The following WASHC4 variants were observed in gnomAD, a reference collection of about 807,000 sequenced individuals.
WASHC4 encodes the protein WASH complex subunit 4, also known as WASH complex subunit 7.
In WASHC4, 86 loss-of-function variants were observed where a neutral mutation model predicts 166.6. That is an observed-to-expected ratio of 0.52 (90% CI 0.43 to 0.62). WASHC4 has a LOEUF of 0.62. Ranked by LOEUF, WASHC4 falls within the 20% of genes least tolerant of loss-of-function variation. The probability of loss-of-function intolerance (pLI) is 0.00; values close to 1 mark genes in which losing one functional copy is unlikely to be tolerated. For synonymous variants in WASHC4, 446 were observed against 451.6 expected, an observed-to-expected ratio of 0.99 and a Z score of 0.16; for missense variants, 1,262 against 1,382.4, an observed-to-expected ratio of 0.91 and a Z score of 1.38.
At chr12:105,130,245 C>T (rs978858969) in intron 13 of WASHC4, among the ~76,000 whole-genome samples, 1 of 152,202 alleles carries the variant, frequency 6.6e-6, no homozygotes, top group African/African-American at 2.4e-5. Flanking sequence ...AAGTACATGT[C>T]AGAGAGGGCA....
intron 20 of WASHC4, 69 bp downstream of exon 20, chr12:105,143,312 C>T (rs577997343): frequency 4.5e-6 from 4 of 890,302 alleles, no homozygotes; most frequent in Admixed American, 1.8e-5. Context: ...AAAAAATGTT[C>T]GATTGAAGCA....
In WASHC4 at chr12:105,144,386, A is replaced by G. The variant is rs780130186; in HGVS notation, c.2110A>G (p.Met704Val). ...TGACCGAAACCCTTTCAAAGTTGGC[A>G]TGAAAGACCTGGCTCTTTTTTTCTC... Reference protein sequence around the residue: ...LDDRNPFKVGMKDLALFFSLN... With the variant: ...LDDRNPFKVGVKDLALFFSLN... The change falls in exon 21 of 33, where the codon ATG (methionine) becomes GTG (valine). Residue 704 changes from methionine (M) to valine (V), a missense_variant. By Grantham distance (21) the Met-to-Val change is conservative (BLOSUM62 1). Transcript: ENST00000332180. The G allele has an allele frequency of 1.2e-6, 2 of 1,613,408 alleles. No individual in the cohort carries two copies. Among genetic ancestry groups the G allele is most frequent in the African/African-American group, 1.3e-5 (1 of 74,910 alleles).
intron 28 of WASHC4, among the ~76,000 whole-genome samples, chr12:105,158,640 A>G (rs957183939): frequency 2.0e-5 from 3 of 152,222 alleles, no homozygotes; most frequent in African/African-American, 7.2e-5. Context: ...GGAAAGAAAC[A>G]GCTGTAAAGG....
chr12:105,161,396 G>A (rs1163865303), intron 29 of WASHC4, among the ~76,000 whole-genome samples: 2 of 152,162 alleles, frequency 1.3e-5, no homozygotes, highest in Non-Finnish European at 1.5e-5. Flanking sequence ...TCAAACTGGA[G>A]GGAGAGTGTC....
At chr12:105,147,470 C>T in intron 24 of WASHC4, 1 of 373,762 alleles carries the variant, frequency 2.7e-6, no homozygotes. Flanking sequence ...GATCTGTGAT[C>T]CCTGAAAGTT....
rs572767247 is a variant in WASHC4, at chr12:105,132,100, G to A, written c.1200-1670G>A. 2.6e-5 allele frequency among the ~76,000 whole-genome samples: 4 copies of A among 152,346 alleles called. No homozygotes were observed. In the East Asian group the frequency reaches 5.8e-4, roughly 22 times the overall value. ...TTCTTTACCCTGTGTAACTAAAGAA[G>A]ATTTTAAAAGAGTTGGTAGGGTCCG... On this transcript the variant is annotated intron_variant, in intron 13 of 32. Transcript: ENST00000332180.
intron 24 of WASHC4, chr12:105,147,568 A>T: frequency 2.0e-6 from 2 of 1,013,238 alleles, no homozygotes; most frequent in Non-Finnish European, 2.4e-6. Flanking sequence ...TTTGATGTCC[A>T]TATAAATAGG....
intron 15 of WASHC4, among the ~76,000 whole-genome samples, chr12:105,139,425 G>GTGTATATATATATATATATATATATA: frequency 1.9e-5 from 2 of 103,188 alleles, no homozygotes; most frequent in Non-Finnish European, 3.9e-5. Flanking sequence ...ATGTGTGTGT[G>GTGTATATATATATATATATATATATA]TATATATATA....
chr12:105,144,492 C>CTTTTTTTTT, intron 21 of WASHC4, 37 bp downstream of exon 21: 1 of 1,338,738 alleles, frequency 7.5e-7, no homozygotes. Flanking sequence ...GTCATATTCT[C>CTTTTTTTTT]TTTTTTTTTT....
Position 105,157,228 on chromosome 12 carries a change from T to G in WASHC4, c.2826-8T>G, listed in dbSNP as rs1480654863. 1 of 1,401,840 alleles carries G rather than the reference T, an allele frequency of 7.1e-7. No individual in the cohort carries two copies. The highest frequency in any genetic ancestry group is 1.4e-5 in the African/African-American group (1 of 70,970). The allele number at this position is 1,401,840 out of a possible 1,614,324, so 86.8% of individuals were successfully genotyped here. On this transcript the variant is annotated splice_region_variant and splice_polypyrimidine_tract_variant and intron_variant, in intron 27 of 32. Transcript: ENST00000332180. ...ACCTAATAAATGCCTTCCCAAATTC[T>G]TATGTAGATTTGTTCCTGATCTTGA...
In WASHC4 at chr12:105,127,021, A is replaced by AT. The variant is rs1454251007; in HGVS notation, c.1039-102dup. ...ATATTAATAAGTATTTTTTGTGGTT[A>AT]TTTTTTCTTGAAATCAGTTGTCTTC... is the stretch of plus-strand genomic sequence containing the variant. On this transcript the variant is annotated intron_variant, in intron 12 of 32. Transcript: ENST00000332180. 5.7e-5 allele frequency: 53 copies of AT among 930,694 alleles called. 1 individual carries two copies. In the East Asian group the frequency reaches 9.1e-4, roughly 16 times the overall value. 57.7% of individuals were successfully genotyped at this position (930,694 alleles called of 1,614,324 possible).
intron 29 of WASHC4, among the ~76,000 whole-genome samples, chr12:105,160,943 A>G (rs1884458125): frequency 6.6e-6 from 1 of 152,182 alleles, no homozygotes; most frequent in Non-Finnish European, 1.5e-5. Context: ...TGTAGTTGCT[A>G]TCTAAAAATA....
rs115990358 is a variant in WASHC4, at chr12:105,122,622, G to A, written c.786+384G>A. On this transcript the variant is annotated intron_variant, in intron 10 of 32. Coordinates refer to ENST00000332180, the MANE Select transcript of WASHC4 (RefSeq NM_015275.3). ...TCCTGCATCAAGCAAGTCTTTCATC[G>A]TCATTTTTCCAACAGCATGTGTTCA... Among the ~76,000 whole-genome samples the A allele has an allele frequency of 6.0e-3, 911 of 151,742 alleles. 18 individuals are homozygous for A. Among genetic ancestry groups the A allele is most frequent in the African/African-American group, 0.021 (856 of 41,368 alleles).
chr12:105,136,065 A>T (rs1300519241), intron 14 of WASHC4, among the ~76,000 whole-genome samples: 9 of 152,172 alleles, frequency 5.9e-5, no homozygotes, highest in Admixed American at 5.9e-4. Flanking sequence ...CCCAGGTTAT[A>T]TCAATCTAGT....
chr12:105,148,574 G>A, intron 24 of WASHC4: 1 of 985,154 alleles, frequency 1.0e-6, no homozygotes, highest in Non-Finnish European at 1.2e-6. Context: ...AGAGTGGAAA[G>A]GATTAAAAAC....
chr12:105,149,835 C>CT lies in WASHC4; in HGVS notation c.2649+87dup, dbSNP rs1332290357. The CT allele has an allele frequency of 1.3e-5, 16 of 1,275,190 alleles. No homozygotes were observed. In the Middle Eastern group the frequency reaches 6.1e-4, roughly 48 times the overall value. The allele number at this position is 1,275,190 out of a possible 1,614,324, so 79.0% of individuals were successfully genotyped here. On this transcript the variant is annotated intron_variant, in intron 25 of 32. Coordinates refer to ENST00000332180, the MANE Select transcript of WASHC4 (RefSeq NM_015275.3). ...ATGCTAAAATTCATTATTTAGATCT[C>CT]TATTGGGGTTTTAGTTTTATTTTCC...
In WASHC4 at chr12:105,156,994, GTTAAT is replaced by G. The variant is rs1427311262; in HGVS notation, c.2825+206_2825+210del. ...AGACTTCTGAAAATATTTCTCTTAAGTTAATTTATCAATATGGTTTATGAATGCAT... is the reference window on the plus strand; with the variant it reads ...AGACTTCTGAAAATATTTCTCTTAAGTTATCAATATGGTTTATGAATGCAT... On this transcript the variant is annotated intron_variant, in intron 27 of 32. Coordinates refer to ENST00000332180, the MANE Select transcript of WASHC4 (RefSeq NM_015275.3). 2.0e-5 allele frequency among the ~76,000 whole-genome samples: 3 copies of G among 152,180 alleles called. No individual in the cohort carries two copies. The East Asian group carries it at 5.8e-4, about 29-fold the overall frequency.
chr12:105,109,009 G>A (rs775807195), intron 1 of WASHC4, among the ~76,000 whole-genome samples: 19 of 152,246 alleles, frequency 1.2e-4, no homozygotes, highest in Non-Finnish European at 2.5e-4. Context: ...GGTGGCGAGC[G>A]CCTGTAATTC....
At chr12:105,142,375 T>TTACATC (rs1882944650) in intron 18 of WASHC4, 78 bp from the exon 19 acceptor site, 1 of 826,084 alleles carries the variant, frequency 1.2e-6, no homozygotes, top group African/African-American at 1.7e-5. Flanking sequence ...CTCTTCCTTC[T>TTACATC]GTAGTAGATG....
Sources: gnomAD v4.1 joint callset for allele counts (sites outside exome capture counted in the v4.1 genomes callset) on GRCh38, gnomAD v4.1.1 for gene constraint, MANE v1.5 for transcripts, NCBI Gene and HGNC (gene_info 2026-07-23, HGNC 2026-07-21) for gene names.